The following BOD1L1 variants were observed in gnomAD, a reference collection of about 807,000 sequenced individuals.
BOD1L1 encodes biorientation of chromosomes in cell division 1 like 1.
Under a neutral mutation model 240.7 loss-of-function variants are expected in BOD1L1, and 86 were observed. The ratio of observed to expected loss-of-function variants is 0.36; its 90% CI spans 0.30 to 0.43. BOD1L1 has a LOEUF of 0.43. BOD1L1 is among the 20% of genes least tolerant of loss of function. The probability of loss-of-function intolerance (pLI) is 1.00; values close to 1 mark genes in which losing one functional copy is unlikely to be tolerated. For synonymous variants in BOD1L1, 1,268 were observed against 1,272.3 expected, an observed-to-expected ratio of 1.00 and a Z score of 0.07; for missense variants, 3,554 against 3,643.5, an observed-to-expected ratio of 0.98 and a Z score of 0.63.
chr4:13,594,453 T>C (rs371925569), intron 12 of BOD1L1, among the ~76,000 whole-genome samples: 6 of 152,182 alleles, frequency 3.9e-5, no homozygotes, highest in East Asian at 1.9e-4. Context: ...TGGTCCAGCC[T>C]CTCTGGGGAA....
At chr4:13,582,102 G>A in intron 19 of BOD1L1, 135 bp downstream of exon 19, 1 of 634,120 alleles carries the variant, frequency 1.6e-6, no homozygotes, top group Non-Finnish European at 2.7e-6. Flanking sequence ...GTATGAAATG[G>A]TGTTCCATTG....
rs1415538141 is a variant in BOD1L1, at chr4:13,602,831, T to C, written c.4069A>G (p.Lys1357Glu). 1 of 1,613,912 alleles carries C rather than the reference T, an allele frequency of 6.2e-7. No homozygotes were observed. The highest frequency in any genetic ancestry group is 1.3e-5 in the African/African-American group (1 of 74,944). ...GEGFTVDTPA[K>E]ASITSKRHIP... is the part of the protein sequence containing the mutation. ...TGTCTTTTGCTAGTGATGCTTGCTT[T>C]TGCTGGTGTATCTACTGTGAAACCT... Residue 1357 changes from lysine (K) to glutamate (E), a missense_variant, in exon 10 of 26, where the codon AAA becomes GAA. Lys to Glu is a moderately conservative substitution (Grantham distance 56). Around this residue, in one of 2 missense-constraint regions of BOD1L1, gnomAD observed 3,393 missense variants for 3,427.1 expected, o/e 0.99. Transcript: ENST00000040738.
chr4:13,604,607 C>T lies in BOD1L1; in HGVS notation c.2293G>A (p.Gly765Ser), dbSNP rs769636224. The T allele has an allele frequency of 1.9e-6, 3 of 1,573,786 alleles. No homozygotes were observed. The highest frequency in any genetic ancestry group is 2.6e-6 in the Non-Finnish European group (3 of 1,168,002). ...TGAATATTTTCCTCTACTTTTAAAC[C>T]TTTCTCAGAAGAGTGAAGCTCAGTC... ...DETELHSSEK[G>S]LKVEENIQKQ... The change falls in exon 10 of 26, where the codon GGT becomes AGT. Residue 765 changes from glycine to serine, a missense_variant. Physicochemically the swap from Gly to Ser is moderately conservative, Grantham distance 56. This residue lies in a region of BOD1L1 where 3,393 missense variants were observed against 3,427.1 expected (regional missense o/e 0.99). Transcript: ENST00000040738.
intron 25 of BOD1L1, among the ~76,000 whole-genome samples, chr4:13,574,201 C>G (rs1712502143): frequency 1.3e-5 from 2 of 152,150 alleles, no homozygotes; most frequent in Admixed American, 1.3e-4. Context: ...ATGTGGCTTT[C>G]CCTGCCACTG....
At chr4:13,625,313 C>T (rs995244205) in intron 1 of BOD1L1, 1 of 152,106 alleles carries the variant, frequency 6.6e-6, no homozygotes, top group African/African-American at 2.4e-5. Flanking sequence ...TATAGTTGAC[C>T]ATTCTGAAGT....
At chr4:13,598,471 T>A (rs1030664137) in intron 10 of BOD1L1, among the ~76,000 whole-genome samples, 1 of 152,134 alleles carries the variant, frequency 6.6e-6, no homozygotes, top group Admixed American at 6.6e-5. Flanking sequence ...CAGAAACTGA[T>A]TTTTCCTCTA....
chr4:13,585,487 G>T (rs1236602665), intron 17 of BOD1L1, among the ~76,000 whole-genome samples: 1 of 151,904 alleles, frequency 6.6e-6, no homozygotes, highest in Admixed American at 6.6e-5. Context: ...TATCTAGTAG[G>T]GAATGAAAAA....
chr4:13,599,110 G>C lies in BOD1L1; in HGVS notation c.7790C>G (p.Pro2597Arg). 1 of 1,613,980 alleles carries C rather than the reference G, an allele frequency of 6.2e-7. No individual in the cohort carries two copies. Among genetic ancestry groups the C allele is most frequent in the African/African-American group, 1.3e-5 (1 of 75,036 alleles). ...PATYSVALLA[P>R]KCEQDLTIKN... is the part of the protein sequence containing the mutation. ...TATAGTCAAGTCCTGCTCACATTTA[G>C]GAGCCAACAGAGCTACACTGTAAGT... Residue 2597 changes from proline to arginine, a missense_variant, in exon 10 of 26, where the codon CCT becomes CGT. Pro to Arg is a moderately radical substitution (Grantham distance 103). Coordinates refer to ENST00000040738, the MANE Select transcript of BOD1L1 (RefSeq NM_148894.3).
chr4:13,574,940 C>T (rs1452291783), intron 25 of BOD1L1, among the ~76,000 whole-genome samples: 6 of 148,516 alleles, frequency 4.0e-5, no homozygotes, highest in African/African-American at 7.5e-5. Context: ...TTTTTTGAGA[C>T]GGGGAGTCTC....
chr4:13,625,051 T>A (rs146947188), intron 1 of BOD1L1: 1 of 148,698 alleles, frequency 6.7e-6, no homozygotes, highest in East Asian at 1.9e-4. Context: ...TGGCTGAATA[T>A]GTCTTATTAC....
In BOD1L1 at chr4:13,598,991, C is replaced by T. The variant is rs184025837; in HGVS notation, c.7909G>A (p.Asp2637Asn). The part of the protein sequence containing the change: ...STRKSFPEEG[D>N]IMVTVSSEEN... ...TCAGAAGACACAGTAACCATTATGTCTCCTTCCTCAGGGAATGATTTCCTT... is the reference window on the plus strand; with the variant it reads ...TCAGAAGACACAGTAACCATTATGTTTCCTTCCTCAGGGAATGATTTCCTT... The change falls in exon 10 of 26, where the codon GAC becomes AAC. Residue 2637 changes from aspartate to asparagine, a missense_variant. Physicochemically the swap from Asp to Asn is conservative, Grantham distance 23. Coordinates refer to ENST00000040738, the MANE Select transcript of BOD1L1 (RefSeq NM_148894.3). The T allele has an allele frequency of 2.5e-6, 4 of 1,613,444 alleles. No homozygotes were observed. The African/African-American group carries it at 4.0e-5, about 16-fold the overall frequency.
At chr4:13,615,208 G>T in intron 3 of BOD1L1, 104 bp downstream of exon 3, 2 of 1,176,826 alleles carry the variant, frequency 1.7e-6, no homozygotes, top group Non-Finnish European at 2.4e-6. Flanking sequence ...AATTTCATTG[G>T]AATAGCCAAA....
rs919897456 is a variant in BOD1L1, at chr4:13,569,985, T to C, written c.*26A>G. The stretch of plus-strand genomic sequence containing the variant: ...CTTTCCTCTCCACCGTGTTCCTCCA[T>C]AAGCCTAGGGCAGCAGTGGTCAGGA... On this transcript the variant is annotated 3_prime_UTR_variant, in exon 26 of 26. Coordinates refer to ENST00000040738, the MANE Select transcript of BOD1L1 (RefSeq NM_148894.3). The C allele has an allele frequency of 4.7e-6, 7 of 1,504,650 alleles. No individual in the cohort carries two copies. Among genetic ancestry groups the C allele is most frequent in the Non-Finnish European group, 6.2e-6 (7 of 1,123,018 alleles). The allele number at this position is 1,504,650 out of a possible 1,614,324, so 93.2% of individuals were successfully genotyped here.
At position 13,604,988 on chromosome 4, in the gene BOD1L1, A is replaced by T; in HGVS notation, c.1912T>A (p.Leu638Met). ...SKPARRLSES[L>M]HVVDENKNES... ...TTTTTGTTTTCGTCAACTACATGCA[A>T]AGACTCTGAAAGTCTCCGGGCAGGT... Residue 638 changes from leucine (L) to methionine (M), a missense_variant, in exon 10 of 26, where the codon TTG (leucine) becomes ATG (methionine). Leu to Met is a conservative substitution (Grantham distance 15). Coordinates refer to ENST00000040738, the MANE Select transcript of BOD1L1 (RefSeq NM_148894.3). The T allele has an allele frequency of 6.2e-7, 1 of 1,613,030 alleles. No homozygotes were observed. Among genetic ancestry groups the T allele is most frequent in the Non-Finnish European group, 8.5e-7 (1 of 1,179,628 alleles).
Position 13,613,426 on chromosome 4 carries a change from C to T in BOD1L1, c.1324+86G>A. The T allele has an allele frequency of 2.4e-6, 3 of 1,274,176 alleles. No individual in the cohort carries two copies. The highest frequency in any genetic ancestry group is 3.2e-6 in the Non-Finnish European group (3 of 924,508). The allele number at this position is 1,274,176 out of a possible 1,614,324, so 78.9% of individuals were successfully genotyped here. A position where few individuals can be genotyped will look rare whatever the true frequency, so the allele number is the denominator to read the frequency against. On this transcript the variant is annotated intron_variant, in intron 5 of 25. Transcript: ENST00000040738. This position sits in a 1 kb window ranked among gnomAD's most constrained non-coding sequence, Gnocchi z 4.0. Reference sequence around the variant, plus strand: ...ATCCCATGCTCTTGCTACTATACCACACTGTTTCTCAGGATATAGCCATCA... The same window carrying T: ...ATCCCATGCTCTTGCTACTATACCATACTGTTTCTCAGGATATAGCCATCA...
chr4:13,589,574 T>G (rs979425925), intron 14 of BOD1L1, among the ~76,000 whole-genome samples: 4 of 152,220 alleles, frequency 2.6e-5, no homozygotes, highest in Non-Finnish European at 4.4e-5. Context: ...GCAGGCAACA[T>G]AGGTTACATA....
chr4:13,616,802 A>G (rs1386864160), intron 2 of BOD1L1, among the ~76,000 whole-genome samples: 1 of 152,246 alleles, frequency 6.6e-6, no homozygotes, highest in East Asian at 1.9e-4. Flanking sequence ...GAGCCAACTC[A>G]GCACAAAGTA....
In BOD1L1 at chr4:13,602,328, C is replaced by A; in HGVS notation, c.4572G>T (p.Lys1524Asn). Residue 1524 changes from lysine (K) to asparagine (N), a missense_variant, in exon 10 of 26, where the codon AAG (lysine) becomes AAT (asparagine). Lys to Asn is a moderately conservative substitution (Grantham distance 94). Transcript: ENST00000040738. ...KTSVATSTEG[K>N]DKDVTLSPVK... The stretch of plus-strand genomic sequence containing the variant: ...CTGGACTTAAGGTGACATCTTTGTC[C>A]TTCCCTTCAGTACTAGTGGCAACAG... 1.2e-6 allele frequency: 2 copies of A among 1,613,906 alleles called. No individual in the cohort carries two copies. Among genetic ancestry groups the A allele is most frequent in the Non-Finnish European group, 1.7e-6 (2 of 1,179,860 alleles).
intron 9 of BOD1L1, 127 bp downstream of exon 9, chr4:13,606,990 C>T (rs1715758852): frequency 1.8e-6 from 1 of 570,162 alleles, no homozygotes; most frequent in East Asian, 4.1e-5. Flanking sequence ...TTCAAAAATG[C>T]TGAATGTAAG....
Sources: allele counts gnomAD v4.1 joint callset (sites outside exome capture counted in the v4.1 genomes callset), GRCh38; gene constraint gnomAD v4.1.1; regional missense constraint gnomAD v4.1.1; non-coding constraint Gnocchi (gnomAD v3.1); transcripts MANE v1.5; gene names NCBI Gene and HGNC (gene_info 2026-07-23, HGNC 2026-07-21).